The following SAMD4A variants were observed in gnomAD, a reference collection of about 807,000 sequenced individuals.
SAMD4A encodes protein Smaug homolog 1.
Under a neutral mutation model 81.3 loss-of-function variants are expected in SAMD4A, and 33 were observed. That is an observed-to-expected ratio of 0.41 (90% CI 0.31 to 0.54). SAMD4A has a LOEUF of 0.54. SAMD4A is among the 20% of genes least tolerant of loss of function. The probability of loss-of-function intolerance (pLI) is 0.37; values close to 1 mark genes in which losing one functional copy is unlikely to be tolerated. For synonymous variants in SAMD4A, 389 were observed against 382.1 expected (o/e 1.02, Z -0.21); for missense variants, 854 against 951.1 (o/e 0.90, Z 1.34).
At chr14:54,755,522 G>C (rs148250734) in intron 6 of SAMD4A, among the ~76,000 whole-genome samples, 40 of 152,166 alleles carry the variant, frequency 2.6e-4, no homozygotes, top group African/African-American at 9.7e-4. Context: ...GGCTATGCTC[G>C]CCCAGAAGGT....
intron 2 of SAMD4A, among the ~76,000 whole-genome samples, chr14:54,649,056 C>T (rs1310325021): frequency 6.6e-6 from 1 of 152,110 alleles, no homozygotes; most frequent in Admixed American, 6.6e-5. Context: ...AAAGTTTTGT[C>T]CTGAGCAACT....
chr14:54,694,416 A>G (rs1216225364), intron 2 of SAMD4A: 1 of 157,262 alleles, frequency 6.4e-6, no homozygotes, highest in East Asian at 1.9e-4. Flanking sequence ...GACCTGAGCA[A>G]TTGGAAAGAT....
intron 9 of SAMD4A, among the ~76,000 whole-genome samples, chr14:54,772,498 C>G (rs2038731887): frequency 6.6e-6 from 1 of 152,140 alleles, no homozygotes; most frequent in Non-Finnish European, 1.5e-5. Flanking sequence ...ACTCCCCTCC[C>G]CTATACAGCT....
chr14:54,667,166 T>C (rs1434068518), intron 2 of SAMD4A, among the ~76,000 whole-genome samples: 1 of 152,168 alleles, frequency 6.6e-6, no homozygotes, highest in Non-Finnish European at 1.5e-5. Flanking sequence ...TTGTGAGGGC[T>C]GGTTGAGGGG....
At chr14:54,721,164 A>G (rs923055625) in intron 3 of SAMD4A, among the ~76,000 whole-genome samples, 2 of 152,230 alleles carry the variant, frequency 1.3e-5, no homozygotes, top group Non-Finnish European at 2.9e-5. Context: ...CCACTAGAAT[A>G]TAAATTCTAA....
chr14:54,713,861 T>C (rs2037052868), intron 3 of SAMD4A, among the ~76,000 whole-genome samples: 1 of 152,176 alleles, frequency 6.6e-6, no homozygotes, highest in African/African-American at 2.4e-5. Flanking sequence ...GTCAGACAAG[T>C]TGGTTTTAAA....
At position 54,789,864 on chromosome 14, in the gene SAMD4A, C is replaced by T. The variant is rs2039229650; in HGVS notation, c.*920C>T. ...TTGGGTGAGCGCACAAGGATGAGGA[C>T]ATCATGTGATCAGTTATGGGTTTGC... On this transcript the variant is annotated 3_prime_UTR_variant, in exon 13 of 13. Coordinates refer to ENST00000554335, the MANE Select transcript of SAMD4A (RefSeq NM_015589.6). 1.3e-5 allele frequency: 2 copies of T among 152,234 alleles called. No homozygotes were observed. Among genetic ancestry groups the T allele is most frequent in the South Asian group, 4.1e-4 (2 of 4,830 alleles). 9.4% of individuals were successfully genotyped at this position (152,234 alleles called of 1,614,324 possible).
intron 11 of SAMD4A, among the ~76,000 whole-genome samples, chr14:54,777,364 G>A (rs1266826959): frequency 6.6e-6 from 1 of 152,246 alleles, no homozygotes; most frequent in Non-Finnish European, 1.5e-5. Context: ...GCTTCCTGGA[G>A]TTGGAGCTGA....
rs564263152 is a variant in SAMD4A at position 54,772,398 on chromosome 14, C to T, written c.1715+2176C>T. 2.3e-4 allele frequency among the ~76,000 whole-genome samples: 35 copies of T among 152,292 alleles called. No homozygotes were observed. The South Asian group carries it at 7.3e-3, about 32-fold the overall frequency. On this transcript the variant is annotated intron_variant, in intron 9 of 12. Coordinates refer to ENST00000554335, the MANE Select transcript of SAMD4A (RefSeq NM_015589.6). The stretch of plus-strand genomic sequence containing the variant: ...ACTCTGGTTGCCAGCAGTGGCAACC[C>T]TCTGCAAAGCTGGCTTTGTAATAAC...
At chr14:54,577,136 A>T (rs1224374312) in intron 2 of SAMD4A, among the ~76,000 whole-genome samples, 1 of 152,192 alleles carries the variant, frequency 6.6e-6, no homozygotes, top group Non-Finnish European at 1.5e-5. Context: ...AGCCACATAG[A>T]ATGTGCTTGG....
intron 2 of SAMD4A, among the ~76,000 whole-genome samples, chr14:54,581,110 T>G (rs2033452854): frequency 6.6e-6 from 1 of 152,200 alleles, no homozygotes; most frequent in African/African-American, 2.4e-5. Context: ...TAAAAATTAT[T>G]TAAGCTCTCT....
intron 3 of SAMD4A, among the ~76,000 whole-genome samples, chr14:54,732,426 C>G (rs1302188881): frequency 6.6e-6 from 1 of 151,994 alleles, no homozygotes; most frequent in African/African-American, 2.4e-5. Flanking sequence ...TTAGGCATTA[C>G]TAAATTATAT....
intron 2 of SAMD4A, among the ~76,000 whole-genome samples, chr14:54,604,187 G>T (rs1338761122): frequency 6.6e-6 from 1 of 152,234 alleles, no homozygotes; most frequent in African/African-American, 2.4e-5. Flanking sequence ...GTCTGTGGTA[G>T]AATTAGCCAT....
intron 2 of SAMD4A, among the ~76,000 whole-genome samples, chr14:54,590,620 T>C (rs2033749222): frequency 1.3e-5 from 2 of 152,322 alleles, no homozygotes; most frequent in South Asian, 4.1e-4. Context: ...TCCTCTCTTC[T>C]CCTCTCCTAG....
chr14:54,716,404 A>G (rs1413672403), intron 3 of SAMD4A, among the ~76,000 whole-genome samples: 1 of 152,196 alleles, frequency 6.6e-6, no homozygotes, highest in Non-Finnish European at 1.5e-5. Flanking sequence ...GTATTAAGAA[A>G]TTGAATATAC....
intron 9 of SAMD4A, among the ~76,000 whole-genome samples, chr14:54,771,141 G>A (rs557024755): frequency 6.6e-6 from 1 of 152,176 alleles, no homozygotes; most frequent in East Asian, 1.9e-4. Context: ...AGGGAGATAA[G>A]GCCAGTTGAA....
intron 2 of SAMD4A, among the ~76,000 whole-genome samples, chr14:54,628,193 G>A (rs1486577317): frequency 6.6e-6 from 1 of 152,072 alleles, no homozygotes; most frequent in Non-Finnish European, 1.5e-5. Context: ...AAGTCAGGCC[G>A]AGATCAAAAT....
intron 9 of SAMD4A, among the ~76,000 whole-genome samples, chr14:54,774,419 A>G (rs144697126): frequency 6.6e-6 from 1 of 152,322 alleles, no homozygotes; most frequent in East Asian, 1.9e-4. Context: ...AAATGTGAGC[A>G]GAGGCGGGGT....
intron 2 of SAMD4A, among the ~76,000 whole-genome samples, chr14:54,587,430 T>C (rs913785981): frequency 6.6e-6 from 1 of 152,160 alleles, no homozygotes; most frequent in African/African-American, 2.4e-5. Context: ...CTTTCTCTTG[T>C]TTGATTGCTC....
Sources: gnomAD v4.1 joint callset for allele counts (sites outside exome capture counted in the v4.1 genomes callset) on GRCh38, gnomAD v4.1.1 for gene constraint, MANE v1.5 for transcripts, NCBI Gene and HGNC (gene_info 2026-07-23, HGNC 2026-07-21) for gene names.